TRRAP: variants seen among roughly 807,000 people sequenced by gnomAD.
TRRAP encodes the protein transformation/transcription domain-associated protein.
TRRAP carries 41 observed loss-of-function variants against 438.8 expected under a neutral mutation model. That is an observed-to-expected ratio of 0.09 (90% CI 0.07 to 0.12). TRRAP has a LOEUF of 0.12. Among genes scored for constraint, TRRAP ranks in the 10% least tolerant of loss-of-function variants. TRRAP has a pLI of 1.00. For synonymous variants in TRRAP, 1,994 were observed against 1,962.9 expected, an observed-to-expected ratio of 1.02 and a Z score of -0.42; for missense variants, 3,122 against 5,055.1, an observed-to-expected ratio of 0.62 and a Z score of 11.60.
At chr7:98,957,162 TCTCA>T in intron 43 of TRRAP, among the ~76,000 whole-genome samples, 1 of 152,290 alleles carries the variant, frequency 6.6e-6, no homozygotes, top group South Asian at 2.1e-4. Flanking sequence ...CCGGAGCAAG[TCTCA>T]CTCTGCCGCA....
intron 3 of TRRAP, among the ~76,000 whole-genome samples, chr7:98,883,184 G>A (rs1795540388): frequency 6.6e-6 from 1 of 151,938 alleles, no homozygotes; most frequent in Admixed American, 6.6e-5. Flanking sequence ...TTTTCTTTTT[G>A]TCCTTTAGAT....
Position 98,915,727 on chromosome 7 carries a change from A to G in TRRAP, c.2204A>G (p.His735Arg). The G allele has an allele frequency of 6.2e-7, 1 of 1,613,694 alleles. No individual in the cohort carries two copies. Among genetic ancestry groups the G allele is most frequent in the Non-Finnish European group, 8.5e-7 (1 of 1,179,760 alleles). The change falls in exon 19 of 73, where the codon CAC (histidine) becomes CGC (arginine). Residue 735 changes from histidine (H) to arginine (R), a missense_variant. Transcript: ENST00000456197. ...AAENEQMLKP[H>R]LHKIVNSSME... ...TGCGTCTTCTCCACCCCGCAGCCTC[A>G]CTTGCACAAGATTGTGAACAGCTCT...
intron 49 of TRRAP, among the ~76,000 whole-genome samples, chr7:98,966,478 A>G (rs1257591195): frequency 2.0e-5 from 3 of 152,038 alleles, no homozygotes; most frequent in Non-Finnish European, 2.9e-5. Context: ...TGAGGTCAGG[A>G]GTTTGAGACC....
rs368121450 is a variant in TRRAP at position 98,884,321 on chromosome 7, C to T, written c.150+2297C>T. Among the ~76,000 whole-genome samples, 6 of 152,078 alleles carry T rather than the reference C, an allele frequency of 3.9e-5. No homozygotes were observed. In the East Asian group the frequency reaches 9.7e-4, roughly 24 times the overall value. On this transcript the variant is annotated intron_variant, in intron 3 of 72. Coordinates refer to ENST00000456197, the MANE Select transcript of TRRAP (RefSeq NM_001375524.1). The stretch of plus-strand genomic sequence containing the variant: ...GGAGTACAGTGGTGTGGTCACAGCT[C>T]ACTGCAGTCTCAACTTCCTGGGCCC...
At chr7:98,966,000 T>C in intron 49 of TRRAP, 105 bp downstream of exon 49, 1 of 1,295,208 alleles carries the variant, frequency 7.7e-7, no homozygotes, top group Non-Finnish European at 1.1e-6. Flanking sequence ...TTTTTTCTGC[T>C]GTAATTGCAC....
chr7:99,008,603 G>C (rs774979266), intron 70 of TRRAP, 42 bp downstream of exon 70: 2 of 1,602,834 alleles, frequency 1.2e-6, no homozygotes, highest in African/African-American at 2.7e-5. Context: ...GCCGCCTGCA[G>C]CCCTCCTGTG....
At chr7:98,959,722 G>C (rs1014557398) in intron 45 of TRRAP, among the ~76,000 whole-genome samples, 1 of 152,028 alleles carries the variant, frequency 6.6e-6, no homozygotes, top group Admixed American at 6.5e-5. Context: ...TTAGGAGTTC[G>C]AGACCAGTCT....
chr7:98,943,416 G>A (rs1790892195), intron 31 of TRRAP, among the ~76,000 whole-genome samples: 2 of 152,156 alleles, frequency 1.3e-5, no homozygotes, highest in Non-Finnish European at 2.9e-5. Flanking sequence ...GGGGTGGTCG[G>A]TAAATGTGTT....
chr7:98,955,164 A>G lies in TRRAP; in HGVS notation c.5797A>G (p.Ile1933Val). ...AGCGATCGTCAGACAGGCGATGGCC[A>G]TTCTGACCCCGGCGGTGCCGGCCAG... ...ARAIVRQAMA[I>V]LTPAVPARME... Residue 1933 changes from isoleucine (I) to valine (V), a missense_variant, in exon 41 of 73, where the codon ATT (isoleucine) becomes GTT (valine). Physicochemically the swap from Ile to Val is conservative, Grantham distance 29. This residue lies in a region of TRRAP where 35 missense variants were observed against 104.9 expected (regional missense o/e 0.33). Coordinates refer to ENST00000456197, the MANE Select transcript of TRRAP (RefSeq NM_001375524.1). 6.2e-7 allele frequency: 1 copy of G among 1,614,220 alleles called. No homozygotes were observed. The highest frequency in any genetic ancestry group is 8.5e-7 in the Non-Finnish European group (1 of 1,180,040).
chr7:98,936,656 T>C (rs1229621256), intron 28 of TRRAP, among the ~76,000 whole-genome samples: 1 of 152,206 alleles, frequency 6.6e-6, no homozygotes, highest in Non-Finnish European at 1.5e-5. Context: ...ATCAGCCTTG[T>C]TCAGATGGGC....
chr7:99,001,125 G>T (rs1241828330), intron 67 of TRRAP, among the ~76,000 whole-genome samples: 5 of 152,230 alleles, frequency 3.3e-5, no homozygotes, highest in Admixed American at 2.0e-4. Context: ...AACAGCCATA[G>T]CTGTGACCAG....
chr7:98,944,094 G>C (rs1434182311), intron 31 of TRRAP, among the ~76,000 whole-genome samples: 1 of 152,200 alleles, frequency 6.6e-6, no homozygotes, highest in Non-Finnish European at 1.5e-5. Flanking sequence ...ATGTGGAAGA[G>C]AATCAGGAAC....
At position 98,931,559 on chromosome 7, in the gene TRRAP, T is replaced by A; in HGVS notation, c.3746T>A (p.Val1249Asp). Reference sequence around the variant, plus strand: ...GTGACACACGACTTGGTTCGAGAAGTCACCTCTCCAAACTCCACTGTGAGG... The same window carrying A: ...GTGACACACGACTTGGTTCGAGAAGACACCTCTCCAAACTCCACTGTGAGG... ...HHVTHDLVRE[V>D]TSPNSTVRKQ... Residue 1249 changes from valine (V) to aspartate (D), a missense_variant, in exon 26 of 73, where the codon GTC becomes GAC. Val to Asp is a radical substitution (Grantham distance 152). Coordinates refer to ENST00000456197, the MANE Select transcript of TRRAP (RefSeq NM_001375524.1). 1 of 1,614,158 alleles carries A rather than the reference T, an allele frequency of 6.2e-7. No individual in the cohort carries two copies. Among genetic ancestry groups the A allele is most frequent in the Non-Finnish European group, 8.5e-7 (1 of 1,180,028 alleles).
chr7:98,901,611 C>T (rs2116356062), intron 11 of TRRAP, among the ~76,000 whole-genome samples: 1 of 152,310 alleles, frequency 6.6e-6, no homozygotes, highest in African/African-American at 2.4e-5. Context: ...TGCAGTGGCA[C>T]AATCTCAACT....
At chr7:98,885,939 GTTA>G (rs1340196064) in intron 3 of TRRAP, among the ~76,000 whole-genome samples, 1 of 152,156 alleles carries the variant, frequency 6.6e-6, no homozygotes, top group Non-Finnish European at 1.5e-5. Flanking sequence ...CAATTAGCAG[GTTA>G]CCTCCTTCCT....
intron 62 of TRRAP, among the ~76,000 whole-genome samples, chr7:98,987,039 C>A (rs748944218): frequency 6.6e-6 from 1 of 152,174 alleles, no homozygotes; most frequent in Non-Finnish European, 1.5e-5. Context: ...AATCCTAGCA[C>A]TTTGGGAGGC....
chr7:99,010,668 A>G (rs1271843365), intron 70 of TRRAP, among the ~76,000 whole-genome samples: 1 of 152,124 alleles, frequency 6.6e-6, no homozygotes, highest in Non-Finnish European at 1.5e-5. Context: ...CATTAGTATA[A>G]AGTCTTGGTT....
At chr7:98,953,693 G>T (rs1355961080) in intron 40 of TRRAP, among the ~76,000 whole-genome samples, 1 of 152,322 alleles carries the variant, frequency 6.6e-6, no homozygotes, top group Admixed American at 6.5e-5. Flanking sequence ...TTCTGCCTGG[G>T]AAGATGCAAA....
intron 31 of TRRAP, among the ~76,000 whole-genome samples, chr7:98,944,606 C>G (rs1449903075): frequency 6.6e-6 from 1 of 152,126 alleles, no homozygotes; most frequent in Non-Finnish European, 1.5e-5. Flanking sequence ...GTTTGGGGGC[C>G]CAGAGACAAC....
Sources: allele counts gnomAD v4.1 joint callset (sites outside exome capture counted in the v4.1 genomes callset), GRCh38; gene constraint gnomAD v4.1.1; regional missense constraint gnomAD v4.1.1; transcripts MANE v1.5; gene names NCBI Gene and HGNC (gene_info 2026-07-23, HGNC 2026-07-21).